ITGA9: variants seen among roughly 807,000 people sequenced by gnomAD.
ITGA9 encodes the protein integrin alpha-9.
A neutral mutation model predicts 127.8 loss-of-function variants in ITGA9; 56 were observed. That is an observed-to-expected ratio of 0.44 (90% CI 0.35 to 0.55). The LOEUF is 0.55. Among genes scored for constraint, ITGA9 ranks in the 20% least tolerant of loss-of-function variants. The pLI is 0.00. For missense variants in ITGA9, 1,196 were observed against 1,347.1 expected (o/e 0.89, Z 1.76); for synonymous variants, 508 against 514.5 (o/e 0.99, Z 0.17).
In ITGA9 at chr3:37,629,137, AC is replaced by A. The variant is rs1700204977; in HGVS notation, c.1690-49del. The A allele has an allele frequency of 6.2e-7, 1 of 1,607,360 alleles. No individual in the cohort carries two copies. The highest frequency in any genetic ancestry group is 2.2e-5 in the East Asian group (1 of 44,848). On this transcript the variant is annotated intron_variant, in intron 15 of 27. Coordinates refer to ENST00000264741, the MANE Select transcript of ITGA9 (RefSeq NM_002207.3). The surrounding 1 kb of genome is among the most constrained non-coding windows in gnomAD (Gnocchi z 4.5). ...TTTGTAAACTGTGAAATGCTCTACG[AC>A]TGTCAGCCAGGATTAGTAGTTAATG... is the stretch of plus-strand genomic sequence containing the variant.
intron 16 of ITGA9, among the ~76,000 whole-genome samples, chr3:37,630,279 G>A (rs1375151924): frequency 2.6e-5 from 4 of 152,092 alleles, no homozygotes; most frequent in South Asian, 4.2e-4. Context: ...CCAAGGCATC[G>A]CATTATCTCC....
rs1039405116 is a variant in ITGA9, at chr3:37,627,562, A to T, written c.1690-1625A>T. Among the ~76,000 whole-genome samples the T allele has an allele frequency of 1.2e-4, 18 of 152,316 alleles. 1 individual carries two copies. Among genetic ancestry groups the T allele is most frequent in the Middle Eastern group, 6.8e-3 (2 of 294 alleles). ...GGCAGTAAAAACGGAAACAACAAACAAAACAGAATAAAATCCTCTTTAACT... is the reference window on the plus strand; with the variant it reads ...GGCAGTAAAAACGGAAACAACAAACTAAACAGAATAAAATCCTCTTTAACT... On this transcript the variant is annotated intron_variant, in intron 15 of 27. Coordinates refer to ENST00000264741, the MANE Select transcript of ITGA9 (RefSeq NM_002207.3).
chr3:37,658,074 T>C (rs1310834638), intron 17 of ITGA9, among the ~76,000 whole-genome samples: 1 of 152,212 alleles, frequency 6.6e-6, no homozygotes, highest in African/African-American at 2.4e-5. Context: ...TGATTTCTGT[T>C]CTTTTGCATT....
chr3:37,487,592 T>C (rs1698624107), intron 4 of ITGA9, among the ~76,000 whole-genome samples: 1 of 152,240 alleles, frequency 6.6e-6, no homozygotes, highest in Admixed American at 6.5e-5. Context: ...TTGTGCTAGG[T>C]ACTTAACATT....
intron 18 of ITGA9, among the ~76,000 whole-genome samples, chr3:37,700,562 C>G (rs1260799987): frequency 6.6e-6 from 1 of 152,076 alleles, no homozygotes; most frequent in Non-Finnish European, 1.5e-5. Context: ...GTTGCCCAGG[C>G]TGGTCTTGAA....
chr3:37,482,352 A>G (rs937137100), intron 4 of ITGA9, among the ~76,000 whole-genome samples: 1 of 152,218 alleles, frequency 6.6e-6, no homozygotes, highest in African/African-American at 2.4e-5. Flanking sequence ...CTGGGCATCG[A>G]GGACAGTCAC....
At chr3:37,569,751 A>G (rs946443282) in intron 15 of ITGA9, among the ~76,000 whole-genome samples, 1 of 152,218 alleles carries the variant, frequency 6.6e-6, no homozygotes, top group Non-Finnish European at 1.5e-5. Flanking sequence ...CTTTTATTTC[A>G]TGCCCCAAAT....
At chr3:37,746,549 T>A (rs74370246) in intron 22 of ITGA9, among the ~76,000 whole-genome samples, 3,146 of 152,342 alleles carry the variant, frequency 0.021, 44 homozygotes, top group Middle Eastern at 0.051. Flanking sequence ...AGCTCTCCTG[T>A]CCTCCTGGCT....
intron 15 of ITGA9, among the ~76,000 whole-genome samples, chr3:37,603,996 C>T (rs1699945139): frequency 6.6e-6 from 1 of 152,182 alleles, no homozygotes; most frequent in African/African-American, 2.4e-5. Flanking sequence ...TTTCTTAGGT[C>T]TTATGATGGA....
At chr3:37,734,544 C>T (rs1696335307) in intron 19 of ITGA9, among the ~76,000 whole-genome samples, 1 of 152,198 alleles carries the variant, frequency 6.6e-6, no homozygotes, top group East Asian at 1.9e-4. Flanking sequence ...GGCTGGAGTG[C>T]AGTGGCGCAA....
intron 1 of ITGA9, 51 bp from the exon 2 acceptor site, chr3:37,470,956 C>A: frequency 6.2e-7 from 1 of 1,610,024 alleles, no homozygotes; most frequent in Non-Finnish European, 8.5e-7. Context: ...CCATCTGCCT[C>A]CTATTTTCTT....
At chr3:37,691,913 G>T (rs1257798896) in intron 18 of ITGA9, among the ~76,000 whole-genome samples, 1 of 152,202 alleles carries the variant, frequency 6.6e-6, no homozygotes, top group African/African-American at 2.4e-5. Context: ...CACAGTGATT[G>T]CAAGAAGCAG....
At chr3:37,530,115 A>G (rs1476424210) in intron 13 of ITGA9, among the ~76,000 whole-genome samples, 1 of 152,140 alleles carries the variant, frequency 6.6e-6, no homozygotes, top group Non-Finnish European at 1.5e-5. Flanking sequence ...AGAGGAAGCA[A>G]GGTGGGGCAG....
At chr3:37,809,863 C>A (rs917481075) in intron 27 of ITGA9, among the ~76,000 whole-genome samples, 4 of 152,116 alleles carry the variant, frequency 2.6e-5, no homozygotes, top group Non-Finnish European at 4.4e-5. Context: ...GTGCAGTAAC[C>A]CAAAGACCTG....
intron 15 of ITGA9, among the ~76,000 whole-genome samples, chr3:37,608,323 A>G (rs967539016): frequency 6.6e-6 from 1 of 152,254 alleles, no homozygotes; most frequent in Non-Finnish European, 1.5e-5. Context: ...ACACACATGA[A>G]TACTATTTCA....
At chr3:37,460,348 ATGAG>A (rs1347692371) in intron 1 of ITGA9, among the ~76,000 whole-genome samples, 4 of 152,220 alleles carry the variant, frequency 2.6e-5, no homozygotes, top group Admixed American at 6.5e-5. Flanking sequence ...ATTAGAAAGA[ATGAG>A]TAAGAATGAG....
intron 18 of ITGA9, among the ~76,000 whole-genome samples, chr3:37,713,305 T>G (rs1003666169): frequency 3.3e-5 from 5 of 152,194 alleles, no homozygotes; most frequent in African/African-American, 1.2e-4. Context: ...TAGTGCTGCC[T>G]AAGTGTAAGA....
intron 3 of ITGA9, among the ~76,000 whole-genome samples, chr3:37,478,062 A>T (rs1186078510): frequency 2.6e-5 from 4 of 152,166 alleles, no homozygotes; most frequent in Non-Finnish European, 5.9e-5. Flanking sequence ...ATAAATTTTC[A>T]TTAGGTGAAC....
chr3:37,491,065 CT>C (rs2125563787), intron 4 of ITGA9, among the ~76,000 whole-genome samples: 1 of 151,034 alleles, frequency 6.6e-6, no homozygotes, highest in Admixed American at 6.6e-5. Context: ...CAACCTCTGC[CT>C]CCCAGACTCA....
Sources: allele counts gnomAD v4.1 joint callset (sites outside exome capture counted in the v4.1 genomes callset), GRCh38; gene constraint gnomAD v4.1.1; non-coding constraint Gnocchi (gnomAD v3.1); transcripts MANE v1.5; gene names NCBI Gene and HGNC (gene_info 2026-07-23, HGNC 2026-07-21).